The following CRADD variants were observed in gnomAD, a reference collection of about 807,000 sequenced individuals.
CRADD encodes the protein death domain-containing protein CRADD.
Under a neutral mutation model 15.5 loss-of-function variants are expected in CRADD, and 9 were observed. The observed-to-expected ratio is 0.58, with a 90% CI of 0.35 to 1.01. CRADD has a LOEUF of 1.01. CRADD is among the 50% of genes least tolerant of loss of function. The probability of loss-of-function intolerance (pLI) is 0.02; values close to 1 mark genes in which losing one functional copy is unlikely to be tolerated. For synonymous variants in CRADD, 118 were observed against 107.6 expected (o/e 1.10, Z -0.60); for missense variants, 227 against 250.3 (o/e 0.91, Z 0.63).
At chr12:93,817,035 C>G (rs1957708951) in intron 2 of CRADD, among the ~76,000 whole-genome samples, 1 of 152,164 alleles carries the variant, frequency 6.6e-6, no homozygotes, top group South Asian at 2.1e-4. Flanking sequence ...AATAATTTTA[C>G]AAATATAGTA....
At chr12:93,761,063 G>T (rs1276603915) in intron 2 of CRADD, among the ~76,000 whole-genome samples, 1 of 152,126 alleles carries the variant, frequency 6.6e-6, no homozygotes, top group Non-Finnish European at 1.5e-5. Context: ...AGACTGGGCA[G>T]GCTGGCAGTG....
In CRADD at chr12:93,761,524, C is replaced by G. The variant is rs542913520; in HGVS notation, c.298+82452C>G. Among the ~76,000 whole-genome samples the G allele has an allele frequency of 3.9e-5, 6 of 152,128 alleles. No homozygotes were observed. The South Asian group carries it at 1.2e-3, about 32-fold the overall frequency. On this transcript the variant is annotated intron_variant, in intron 2 of 2. Coordinates refer to ENST00000332896, the MANE Select transcript of CRADD (RefSeq NM_003805.5). ...AGAACAATTGGGTGGGTGGAGTGGC[C>G]ATTTATAGAATTAGGGACGACGAAA...
chr12:93,803,102 A>T (rs1957493089), intron 2 of CRADD, among the ~76,000 whole-genome samples: 1 of 152,182 alleles, frequency 6.6e-6, no homozygotes, highest in Non-Finnish European at 1.5e-5. Flanking sequence ...GTAGATCAGG[A>T]TGATTTCTTG....
chr12:93,885,987 C>T (rs1291940182), intron 2 of CRADD, among the ~76,000 whole-genome samples: 2 of 151,894 alleles, frequency 1.3e-5, no homozygotes, highest in East Asian at 1.9e-4. Flanking sequence ...TGTAGTGAGC[C>T]GAGATCATGC....
intron 2 of CRADD, among the ~76,000 whole-genome samples, chr12:93,833,566 G>T (rs1383374508): frequency 1.3e-5 from 2 of 151,886 alleles, no homozygotes; most frequent in African/African-American, 4.8e-5. Context: ...GGCTAGTCTT[G>T]AACTCCTGAA....
chr12:93,815,128 GCATGACTTT>G (rs1458058376), intron 2 of CRADD: 1 of 152,140 alleles, frequency 6.6e-6, no homozygotes, highest in Non-Finnish European at 1.5e-5. Flanking sequence ...CCCATATCTG[GCATGACTTT>G]CATGTCCCGC....
chr12:93,740,259 G>A (rs942795889), intron 2 of CRADD, among the ~76,000 whole-genome samples: 2 of 152,098 alleles, frequency 1.3e-5, no homozygotes, highest in Non-Finnish European at 2.9e-5. Flanking sequence ...TAACTTTGAT[G>A]AGCTGAAATG....
chr12:93,735,460 C>T (rs1194445196), intron 2 of CRADD: 3 of 152,132 alleles, frequency 2.0e-5, no homozygotes, highest in South Asian at 2.1e-4. Context: ...AAGCTGAAGT[C>T]GAGTCCCAGA....
intron 2 of CRADD, among the ~76,000 whole-genome samples, chr12:93,801,137 T>C (rs1294062042): frequency 2.6e-5 from 4 of 152,226 alleles, no homozygotes; most frequent in African/African-American, 9.6e-5. Flanking sequence ...CAGTCCCATG[T>C]GTAATGATCA....
At chr12:93,680,129 C>G (rs1955246501) in intron 2 of CRADD, among the ~76,000 whole-genome samples, 2 of 151,960 alleles carry the variant, frequency 1.3e-5, no homozygotes, top group Non-Finnish European at 2.9e-5. Context: ...CTTGCTTTTT[C>G]TTAACCTCCC....
intron 2 of CRADD, among the ~76,000 whole-genome samples, chr12:93,696,849 A>G (rs571777635): frequency 6.6e-6 from 1 of 152,334 alleles, no homozygotes; most frequent in African/African-American, 2.4e-5. Flanking sequence ...TGTATTAGGT[A>G]TTATAAGTAA....
chr12:93,845,874 T>C (rs1447726355), intron 2 of CRADD, among the ~76,000 whole-genome samples: 3 of 152,238 alleles, frequency 2.0e-5, no homozygotes, highest in Non-Finnish European at 4.4e-5. Context: ...CATTGTTTTA[T>C]AACCAATCTC....
intron 2 of CRADD, among the ~76,000 whole-genome samples, chr12:93,709,496 A>T (rs1811414543): frequency 6.6e-6 from 1 of 152,314 alleles, no homozygotes; most frequent in East Asian, 1.9e-4. Flanking sequence ...CCCACTAAAA[A>T]GTGAGAACAT....
chr12:93,679,840 C>G (rs1384358061), intron 2 of CRADD, among the ~76,000 whole-genome samples: 3 of 152,150 alleles, frequency 2.0e-5, no homozygotes, highest in African/African-American at 7.2e-5. Context: ...GAGACAGCCT[C>G]TAGGAAGGCA....
Position 93,678,847 on chromosome 12 carries a change from C to T in CRADD, c.73C>T (p.Leu25=), listed in dbSNP as rs368501528. ...GGGTGCAGAGGTATTGGTGGAGGGA[C>T]TGGTTCTTCAGTACCTCTACCAGGA... ...ELGAEVLVEG[L]VLQYLYQEGI... Residue 25 remains leucine, a synonymous_variant, in exon 2 of 3, where the codon CTG becomes TTG. Transcript: ENST00000332896. The T allele has an allele frequency of 8.1e-6, 13 of 1,614,078 alleles. No homozygotes were observed. Among genetic ancestry groups the T allele is most frequent in the Non-Finnish European group, 1.1e-5 (13 of 1,180,038 alleles).
At chr12:93,837,685 G>T (rs1485665242) in intron 2 of CRADD, 1 of 152,134 alleles carries the variant, frequency 6.6e-6, no homozygotes, top group Non-Finnish European at 1.5e-5. Flanking sequence ...TAAATGGTTT[G>T]ATTTAATGAG....
chr12:93,807,981 CAAAAAAA>C (rs368104878), intron 2 of CRADD, among the ~76,000 whole-genome samples: 5 of 67,744 alleles, frequency 7.4e-5, no homozygotes, highest in South Asian at 7.9e-4. Context: ...AAGTGTTATG[CAAAAAAA>C]AAAAAAAAAA....
intron 2 of CRADD, among the ~76,000 whole-genome samples, chr12:93,838,214 G>GTTTTTTTTTTTTTTTTTTTTTT (rs66564800): frequency 1.5e-5 from 2 of 130,604 alleles, no homozygotes; most frequent in African/African-American, 2.9e-5. Context: ...TCCTTTTGAG[G>GTTTTTTTTTTTTTTTTTTTTTT]TTTTTTTTTT....
At chr12:93,697,905 G>T (rs1955749698) in intron 2 of CRADD, among the ~76,000 whole-genome samples, 1 of 152,164 alleles carries the variant, frequency 6.6e-6, no homozygotes, top group African/African-American at 2.4e-5. Flanking sequence ...ATTGGAAAAA[G>T]AATATGAGCT....
Sources: gnomAD v4.1 joint callset for allele counts (sites outside exome capture counted in the v4.1 genomes callset) on GRCh38, gnomAD v4.1.1 for gene constraint, MANE v1.5 for transcripts, NCBI Gene and HGNC (gene_info 2026-07-23, HGNC 2026-07-21) for gene names.